Variants in NCK2 observed in about 807,000 individuals in gnomAD.
NCK2 encodes NCK adaptor protein 2, also known as cytoplasmic protein NCK2.
NCK2 carries 16 observed loss-of-function variants against 33.9 expected under a neutral mutation model. That is an observed-to-expected ratio of 0.47 (90% CI 0.32 to 0.72). The LOEUF is 0.72. Among genes scored for constraint, NCK2 ranks in the 30% least tolerant of loss-of-function variants. The pLI is 0.03. For missense variants in NCK2, 418 were observed against 537.3 expected (o/e 0.78, Z 2.19); for synonymous variants, 273 against 239.9 (o/e 1.14, Z -1.27).
rs76437575 is a variant in NCK2 at position 105,804,270 on chromosome 2, G to A, written c.-200-12160G>A. Among the ~76,000 whole-genome samples the A allele has an allele frequency of 4.5e-3, 687 of 152,324 alleles. 3 individuals are homozygous for A. Among genetic ancestry groups the A allele is most frequent in the African/African-American group, 0.015 (631 of 41,562 alleles). Reference sequence around the variant, plus strand: ...CATTTCAAAATGTGTGTAAATGAACGGACCAGCGCTTTTCTTTGATGTTTG... The same window carrying A: ...CATTTCAAAATGTGTGTAAATGAACAGACCAGCGCTTTTCTTTGATGTTTG... On this transcript the variant is annotated intron_variant, in intron 1 of 4. Coordinates refer to ENST00000233154, the MANE Select transcript of NCK2 (RefSeq NM_003581.5).
rs143054485 is a variant in NCK2, at chr2:105,864,729, A to G, written c.226+9440A>G. Among the ~76,000 whole-genome samples the G allele has an allele frequency of 4.2e-3, 640 of 152,040 alleles. 2 individuals are homozygous for G. Among genetic ancestry groups the G allele is most frequent in the African/African-American group, 0.014 (581 of 41,478 alleles). The stretch of plus-strand genomic sequence containing the variant: ...AGGCATTCAATTTCTCTCATGTTAA[A>G]GACTGGACCTGGCCTTCTCTTCTTT... On this transcript the variant is annotated intron_variant, in intron 3 of 4. Coordinates refer to ENST00000233154, the MANE Select transcript of NCK2 (RefSeq NM_003581.5).
intron 2 of NCK2, among the ~76,000 whole-genome samples, chr2:105,823,831 C>T (rs1360166497): frequency 2.0e-5 from 3 of 152,058 alleles, no homozygotes; most frequent in African/African-American, 7.3e-5. Context: ...AGCTTGATTG[C>T]TGCCTGCAAG....
chr2:105,784,580 G>C (rs964618868), intron 1 of NCK2, among the ~76,000 whole-genome samples: 4 of 152,222 alleles, frequency 2.6e-5, no homozygotes, highest in African/African-American at 9.7e-5. Context: ...ATGTAGGTGA[G>C]CATAAATGCA....
At chr2:105,891,649 G>A (rs774455196) in intron 4 of NCK2, among the ~76,000 whole-genome samples, 2 of 140,552 alleles carry the variant, frequency 1.4e-5, no homozygotes, top group African/African-American at 2.7e-5. Flanking sequence ...AGGTTCAAGC[G>A]ATTCTCCTGC....
At chr2:105,749,046 A>G (rs1236227724) in intron 1 of NCK2, among the ~76,000 whole-genome samples, 1 of 152,228 alleles carries the variant, frequency 6.6e-6, no homozygotes, top group African/African-American at 2.4e-5. Context: ...CTGAAGCTAC[A>G]TTTAAAAACA....
At chr2:105,854,278 T>C (rs1425001837) in intron 2 of NCK2, among the ~76,000 whole-genome samples, 2 of 152,236 alleles carry the variant, frequency 1.3e-5, no homozygotes, top group East Asian at 3.8e-4. Flanking sequence ...GACATTTTGC[T>C]TGCTTCCAAA....
intron 3 of NCK2, among the ~76,000 whole-genome samples, chr2:105,868,976 C>T (rs557610246): frequency 3.3e-5 from 5 of 152,172 alleles, no homozygotes; most frequent in Admixed American, 6.5e-5. Context: ...CTCCAAAGCA[C>T]GGAACAGGTG....
chr2:105,808,990 A>G (rs915979353), intron 1 of NCK2, among the ~76,000 whole-genome samples: 2 of 152,248 alleles, frequency 1.3e-5, no homozygotes, highest in Non-Finnish European at 2.9e-5. Context: ...ATTTTTACAT[A>G]TAGTGAAACA....
In NCK2 at chr2:105,855,345, G is replaced by A. The variant is rs373419457; in HGVS notation, c.226+56G>A. 337 of 1,296,438 alleles carry A rather than the reference G, an allele frequency of 2.6e-4. 6 individuals are homozygous for A. The Middle Eastern group carries it at 2.7e-3, about 11-fold the overall frequency. 80.3% of individuals were successfully genotyped at this position (1,296,438 alleles called of 1,614,324 possible). On this transcript the variant is annotated intron_variant, in intron 3 of 4. Coordinates refer to ENST00000233154, the MANE Select transcript of NCK2 (RefSeq NM_003581.5). ...TTGTGCATTTCAAGGGACACTGTTC[G>A]TCTTTCTAGTTAGTTTGCTGTTTCA...
intron 1 of NCK2, among the ~76,000 whole-genome samples, chr2:105,813,705 A>G (rs990714999): frequency 6.6e-6 from 1 of 152,240 alleles, no homozygotes; most frequent in African/African-American, 2.4e-5. Flanking sequence ...CACTGCAGCT[A>G]AGTGCTGCTG....
chr2:105,805,812 A>G (rs997673906), intron 1 of NCK2, among the ~76,000 whole-genome samples: 3 of 152,182 alleles, frequency 2.0e-5, no homozygotes, highest in Non-Finnish European at 4.4e-5. Flanking sequence ...TTGTGTGTGT[A>G]TATATATAGG....
intron 1 of NCK2, among the ~76,000 whole-genome samples, chr2:105,808,407 G>A (rs1313948658): frequency 6.6e-6 from 1 of 152,196 alleles, no homozygotes; most frequent in African/African-American, 2.4e-5. Context: ...AAGGACAAGG[G>A]CTGGACTCCC....
intron 4 of NCK2, 74 bp downstream of exon 4, chr2:105,882,123 C>T (rs1678529397): frequency 2.9e-6 from 4 of 1,389,592 alleles, no homozygotes; most frequent in South Asian, 3.8e-5. Flanking sequence ...TGTGCCGCGC[C>T]CTTTTCACAT....
intron 3 of NCK2, among the ~76,000 whole-genome samples, chr2:105,860,682 T>C (rs995900929): frequency 2.0e-5 from 3 of 151,460 alleles, no homozygotes; most frequent in African/African-American, 7.3e-5. Context: ...TGGGGAGGAA[T>C]TGGGGATGAA....
At chr2:105,786,856 A>AGCCTTAGGCCTTAGGCCTTAG (rs3073525) in intron 1 of NCK2, among the ~76,000 whole-genome samples, 4 of 152,004 alleles carry the variant, frequency 2.6e-5, no homozygotes, top group Admixed American at 6.5e-5. Flanking sequence ...CTCCCACCCT[A>AGCCTTAGGCCTTAGGCCTTAG]GCCTTAGGCT....
chr2:105,783,042 G>A (rs941200200), intron 1 of NCK2, among the ~76,000 whole-genome samples: 1 of 152,190 alleles, frequency 6.6e-6, no homozygotes, highest in Non-Finnish European at 1.5e-5. Flanking sequence ...GCCTTTTTGG[G>A]TACCTGGGAT....
intron 2 of NCK2, among the ~76,000 whole-genome samples, chr2:105,843,568 A>G (rs1460427459): frequency 6.6e-6 from 1 of 152,214 alleles, no homozygotes; most frequent in Non-Finnish European, 1.5e-5. Flanking sequence ...GAAAGTAAGG[A>G]TGTGCTCAAA....
Position 105,855,102 on chromosome 2 carries a change from C to T in NCK2, c.39C>T (p.Tyr13=), listed in dbSNP as rs1203928555. Reference sequence around the variant, plus strand: ...TTATTGTGATAGCCAAGTGGGACTACACCGCCCAGCAGGACCAGGAGCTGG... The same window carrying T: ...TTATTGTGATAGCCAAGTGGGACTATACCGCCCAGCAGGACCAGGAGCTGG... The part of the protein sequence containing the change: ...EEVIVIAKWD[Y]TAQQDQELDI... The change falls in exon 3 of 5, where the codon TAC becomes TAT. Residue 13 remains tyrosine (Y), a synonymous_variant. Transcript: ENST00000233154. The T allele has an allele frequency of 6.2e-7, 1 of 1,614,198 alleles. No individual in the cohort carries two copies.
intron 1 of NCK2, among the ~76,000 whole-genome samples, chr2:105,797,781 C>T (rs1177877326): frequency 6.6e-6 from 1 of 152,172 alleles, no homozygotes; most frequent in Non-Finnish European, 1.5e-5. Flanking sequence ...CAGCTTTTGT[C>T]CTCCTGTAGA....
Sources: gnomAD v4.1 joint callset for allele counts (sites outside exome capture counted in the v4.1 genomes callset) on GRCh38, gnomAD v4.1.1 for gene constraint, MANE v1.5 for transcripts, NCBI Gene and HGNC (gene_info 2026-07-23, HGNC 2026-07-21) for gene names.